MICU1: variants seen among roughly 807,000 people sequenced by gnomAD.
The protein encoded by MICU1 is mitochondrial calcium uptake 1.
A neutral mutation model predicts 56.8 loss-of-function variants in MICU1; 45 were observed. That is an observed-to-expected ratio of 0.79 (90% CI 0.62 to 1.02). MICU1 has a LOEUF of 1.02. Ranked by LOEUF, MICU1 falls within the 50% of genes least tolerant of loss-of-function variation. The probability of loss-of-function intolerance (pLI) is 0.00; values close to 1 mark genes in which losing one functional copy is unlikely to be tolerated. For missense variants in MICU1, 504 were observed against 587.1 expected, an observed-to-expected ratio of 0.86 and a Z score of 1.46; for synonymous variants, 186 against 195.1, an observed-to-expected ratio of 0.95 and a Z score of 0.39.
intron 5 of MICU1, among the ~76,000 whole-genome samples, chr10:72,529,936 G>C (rs1047252588): frequency 2.7e-5 from 4 of 145,464 alleles, no homozygotes; most frequent in East Asian, 2.0e-4. Context: ...ATGGATACTA[G>C]GGGAAGGTGC....
At chr10:72,569,268 T>C (rs1840545704) in intron 1 of MICU1, among the ~76,000 whole-genome samples, 1 of 114,042 alleles carries the variant, frequency 8.8e-6, no homozygotes, top group African/African-American at 3.2e-5. Context: ...GGCGTCTCAC[T>C]CTGTTGCCCA....
Position 72,566,723 on chromosome 10 carries a change from GATCCTCCATGGTAC to G in MICU1, c.57_70del (p.Trp19CysfsTer46). The G allele has an allele frequency of 6.2e-7, 1 of 1,612,758 alleles. No individual in the cohort carries two copies. The highest frequency in any genetic ancestry group is 8.5e-7 in the Non-Finnish European group (1 of 1,179,358). ...TCTTCGCCGGATCTGGATGGGCTGTGATCCTCCATGGTACCATCGAGAACCCACAGCCAGTTCTG... is the reference window on the plus strand; with the variant it reads ...TCTTCGCCGGATCTGGATGGGCTGTGCATCGAGAACCCACAGCCAGTTCTG... On this transcript the variant is annotated frameshift_variant, in exon 2 of 12. Transcript: ENST00000361114. LOFTEE classifies it high-confidence loss of function.
chr10:72,461,467 AT>A (rs755849355), intron 8 of MICU1, among the ~76,000 whole-genome samples: 1 of 152,198 alleles, frequency 6.6e-6, no homozygotes, highest in Non-Finnish European at 1.5e-5. Flanking sequence ...ATATGTCCCA[AT>A]TTATGTTCTC....
chr10:72,414,234 A>G (rs1863913093), intron 9 of MICU1, among the ~76,000 whole-genome samples: 1 of 152,238 alleles, frequency 6.6e-6, no homozygotes. Flanking sequence ...GTGAATGGAT[A>G]AATAAAATTT....
At chr10:72,422,020 T>G (rs2132134873) in intron 9 of MICU1, among the ~76,000 whole-genome samples, 2 of 152,272 alleles carry the variant, frequency 1.3e-5, no homozygotes, top group African/African-American at 4.8e-5. Flanking sequence ...TTTTCCTGCT[T>G]GTTATGGACT....
At chr10:72,448,476 G>A (rs1865193770) in intron 8 of MICU1, among the ~76,000 whole-genome samples, 1 of 151,170 alleles carries the variant, frequency 6.6e-6, no homozygotes, top group Non-Finnish European at 1.5e-5. Context: ...ACCTGGCCAA[G>A]TTAATATTTT....
chr10:72,616,482 G>A (rs918969533), intron 1 of MICU1, among the ~76,000 whole-genome samples: 16 of 151,746 alleles, frequency 1.1e-4, no homozygotes. Context: ...AGCTACTTGG[G>A]AGGCTGAGGC....
chr10:72,508,899 G>A (rs1253351047), intron 5 of MICU1, among the ~76,000 whole-genome samples: 1 of 151,964 alleles, frequency 6.6e-6, no homozygotes, highest in African/African-American at 2.4e-5. Context: ...TACTTTAATG[G>A]AGGCTCCTAG....
chr10:72,489,898 G>A (rs150934859), intron 6 of MICU1, among the ~76,000 whole-genome samples: 30 of 152,256 alleles, frequency 2.0e-4, no homozygotes, highest in Non-Finnish European at 3.4e-4. Flanking sequence ...TGGGAGATAC[G>A]GTGTATATAA....
At chr10:72,388,636 AG>A (rs1166135848) in intron 10 of MICU1, among the ~76,000 whole-genome samples, 2 of 152,196 alleles carry the variant, frequency 1.3e-5, no homozygotes, top group African/African-American at 4.8e-5. Context: ...AAAACATCAT[AG>A]TTTATCAAAA....
At chr10:72,440,120 G>A (rs1328619999) in intron 8 of MICU1, among the ~76,000 whole-genome samples, 1 of 152,108 alleles carries the variant, frequency 6.6e-6, no homozygotes, top group African/African-American at 2.4e-5. Context: ...GAACAAAGCT[G>A]GAGGCATCAC....
At chr10:72,522,978 C>T (rs1476096846) in intron 5 of MICU1, among the ~76,000 whole-genome samples, 1 of 151,990 alleles carries the variant, frequency 6.6e-6, no homozygotes, top group Admixed American at 6.6e-5. Context: ...ATTTTGAATC[C>T]CTGATCAACC....
chr10:72,446,870 A>G (rs1182298293), intron 8 of MICU1, among the ~76,000 whole-genome samples: 2 of 152,204 alleles, frequency 1.3e-5, no homozygotes, highest in African/African-American at 4.8e-5. Flanking sequence ...GCTGCAAGTA[A>G]TAAGTTTGTG....
intron 4 of MICU1, among the ~76,000 whole-genome samples, chr10:72,544,516 A>AT (rs1839852521): frequency 6.6e-6 from 1 of 152,314 alleles, no homozygotes; most frequent in South Asian, 2.1e-4. Flanking sequence ...TGGAAAGAAA[A>AT]TAGAGATCCT....
At chr10:72,405,887 T>A (rs1340970261) in intron 10 of MICU1, among the ~76,000 whole-genome samples, 2 of 152,108 alleles carry the variant, frequency 1.3e-5, no homozygotes, top group Non-Finnish European at 2.9e-5. Context: ...TAATATCCAA[T>A]TTAATGGTAC....
intron 11 of MICU1, among the ~76,000 whole-genome samples, chr10:72,372,729 C>A (rs1390032141): frequency 1.3e-5 from 2 of 151,696 alleles, no homozygotes; most frequent in African/African-American, 4.8e-5. Flanking sequence ...GTGATCCCAG[C>A]TACTCGGGAG....
intron 1 of MICU1, among the ~76,000 whole-genome samples, chr10:72,567,903 C>G: frequency 6.6e-6 from 1 of 152,020 alleles, no homozygotes; most frequent in Non-Finnish European, 1.5e-5. Flanking sequence ...ACAAACGGGA[C>G]AATGAAAGAT....
At chr10:72,392,564 C>T (rs1863114798) in intron 10 of MICU1, among the ~76,000 whole-genome samples, 1 of 147,014 alleles carries the variant, frequency 6.8e-6, no homozygotes, top group African/African-American at 2.7e-5. Flanking sequence ...GAGTGAGACC[C>T]TGTCTCAAAA....
intron 8 of MICU1, among the ~76,000 whole-genome samples, chr10:72,465,503 C>CTT (rs10586216): frequency 0.021 from 1,221 of 57,596 alleles, 155 homozygotes; most frequent in African/African-American, 0.056. Context: ...CTGTTCAGGT[C>CTT]TTTTTTTTTT....
Sources: gnomAD v4.1 joint callset for allele counts (sites outside exome capture counted in the v4.1 genomes callset) on GRCh38, gnomAD v4.1.1 for gene constraint, MANE v1.5 for transcripts, NCBI Gene and HGNC (gene_info 2026-07-23, HGNC 2026-07-21) for gene names.